SLC25A6: variants seen among roughly 807,000 people sequenced by gnomAD.
SLC25A6 encodes the protein solute carrier family 25 member 6.
SLC25A6 carries 9 observed loss-of-function variants against 25.7 expected under a neutral mutation model. The ratio of observed to expected loss-of-function variants is 0.35; its 90% CI spans 0.21 to 0.61. SLC25A6 has a LOEUF of 0.61. SLC25A6 is among the 20% of genes least tolerant of loss of function. SLC25A6 has a pLI of 0.76. For missense variants in SLC25A6, 404 were observed against 440.5 expected, an observed-to-expected ratio of 0.92 and a Z score of 0.74; for synonymous variants, 223 against 197.0, an observed-to-expected ratio of 1.13 and a Z score of -1.11.
intron 1 of SLC25A6, among the ~76,000 whole-genome samples, chrX:1,391,063 C>T (rs1284541071): frequency 6.6e-6 from 1 of 152,192 alleles, no homozygotes; most frequent in Non-Finnish European, 1.5e-5. Flanking sequence ...CCAGGCTGGT[C>T]TCAAACTCCT....
chrX:1,391,937 C>T lies in SLC25A6; in HGVS notation c.73G>A (p.Ala25Thr), dbSNP rs747538945. The T allele has an allele frequency of 6.8e-6, 11 of 1,609,482 alleles. No homozygotes were observed. In the South Asian group the frequency reaches 7.7e-5, roughly 11 times the overall value. ...TTGACCCGCTCGATCGGAGCCACGG[C>T]CGTCTTGGAGATGGCGGCGGCGATG... ...GGIAAAISKTAVAPIERVKLL... is the reference protein window; with the variant it reads ...GGIAAAISKTTVAPIERVKLL... Residue 25 changes from alanine to threonine, a missense_variant, in exon 1 of 4, where the codon GCC (alanine) becomes ACC (threonine). By Grantham distance (58) the Ala-to-Thr change is moderately conservative. Transcript: ENST00000381401.
chrX:1,387,408 C>T lies in SLC25A6; in HGVS notation c.610G>A (p.Asp204Asn), dbSNP rs377055579. ...VYDTAKGMLP[D>N]PKNTHIVVSW... is the part of the protein sequence containing the mutation. ...ACCACGATGTGCGTGTTCTTGGGGT[C>T]GGGGAGCATGCCTGCGCGGGAACGG... The change falls in exon 3 of 4, where the codon GAC (aspartate) becomes AAC (asparagine). Residue 204 changes from aspartate (D) to asparagine (N), a missense_variant. Transcript: ENST00000381401. The T allele has an allele frequency of 5.6e-5, 91 of 1,612,702 alleles. No homozygotes were observed. The highest frequency in any genetic ancestry group is 9.3e-5 in the African/African-American group (7 of 74,918).
intron 1 of SLC25A6, among the ~76,000 whole-genome samples, chrX:1,390,946 G>A (rs1435649390): frequency 4.0e-5 from 6 of 149,866 alleles, no homozygotes; most frequent in African/African-American, 1.5e-4. Flanking sequence ...AATTTTCTTA[G>A]AGATGGGGTC....
chrX:1,391,994 T>A lies in SLC25A6; in HGVS notation c.16A>T (p.Ile6Phe). The A allele has an allele frequency of 6.2e-7, 1 of 1,608,226 alleles. No individual in the cohort carries two copies. The highest frequency in any genetic ancestry group is 2.2e-5 in the East Asian group (1 of 44,766). MTEQA[I>F]SFAKDFLAGG... ...GCCAAGAAGTCTTTGGCGAAGGAGA[T>A]GGCCTGTTCCGTCATGGTGGCAGGG... Residue 6 changes from isoleucine to phenylalanine, a missense_variant, in exon 1 of 4, where the codon ATC becomes TTC. Ile to Phe is a conservative substitution (Grantham distance 21). Transcript: ENST00000381401.
At chrX:1,387,218 C>A (rs1282155377) in intron 3 of SLC25A6, 61 bp downstream of exon 3, 1 of 1,592,302 alleles carries the variant, frequency 6.3e-7, no homozygotes, top group Non-Finnish European at 8.6e-7. Context: ...CTCCCACGGG[C>A]CTAGGGCAAG....
intron 1 of SLC25A6, among the ~76,000 whole-genome samples, chrX:1,391,679 C>T (rs1282601866): frequency 3.3e-5 from 5 of 152,264 alleles, no homozygotes; most frequent in Non-Finnish European, 5.9e-5. Flanking sequence ...CCGCATTTCC[C>T]CCCGCCCGCC....
At chrX:1,390,828 G>C (rs1266614322) in intron 1 of SLC25A6, among the ~76,000 whole-genome samples, 3 of 151,128 alleles carry the variant, frequency 2.0e-5, no homozygotes, top group Admixed American at 2.0e-4. Context: ...CTTTTTCTTA[G>C]AGACGGGGTC....
chrX:1,389,116 AGAG>A, intron 2 of SLC25A6, 122 bp downstream of exon 2: 1 of 1,039,216 alleles, frequency 9.6e-7, no homozygotes. Flanking sequence ...CAAGTCCAGG[AGAG>A]AGGCCGCAGG....
Position 1,386,693 on chromosome X carries a change from GC to G in SLC25A6, c.805del (p.Ala269ProfsTer29), listed in dbSNP as rs1416205077. The G allele has an allele frequency of 3.7e-6, 6 of 1,612,770 alleles. No homozygotes were observed. The highest frequency in any genetic ancestry group is 5.1e-6 in the Non-Finnish European group (6 of 1,179,318). On this transcript the variant is annotated frameshift_variant, in exon 4 of 4. Coordinates refer to ENST00000381401, the MANE Select transcript of SLC25A6 (RefSeq NM_001636.4). LOFTEE classifies it high-confidence loss of function. ...GTTGGACCACGCACCCTTGAAGAAG[GC>G]CTTGCCCCCCTCATCTCTGAAGATC... Reference protein sequence around the residue: ...RKIFRDEGGKAFFKGAWSNVL... With the variant: ...RKIFRDEGGKXFFKGAWSNVL...
intron 2 of SLC25A6, among the ~76,000 whole-genome samples, chrX:1,388,351 G>A (rs113070225): frequency 9.3e-4 from 141 of 151,152 alleles, no homozygotes; most frequent in African/African-American, 3.3e-3. Context: ...CTCATCAGAA[G>A]AGGACACGAG....
chrX:1,391,363 C>G (rs1858616298), intron 1 of SLC25A6, among the ~76,000 whole-genome samples: 1 of 152,188 alleles, frequency 6.6e-6, no homozygotes, highest in African/African-American at 2.4e-5. Context: ...TTCTATAAGC[C>G]TCTCCCAAAA....
At position 1,389,719 on chromosome X, in the gene SLC25A6, G is replaced by A. The variant is rs376344386; in HGVS notation, c.120C>T (p.His40=). 35 of 1,611,994 alleles carry A rather than the reference G, an allele frequency of 2.2e-5. No individual in the cohort carries two copies. The highest frequency in any genetic ancestry group is 4.0e-5 in the African/African-American group (3 of 74,822). ...ERVKLLLQVQ[H]ASKQIAADKQ... ...TGTCGGCGGCGATCTGCTTGCTGGCGTGCTGGACCTGGGGGACGCAGAGGG... is the reference window on the plus strand; with the variant it reads ...TGTCGGCGGCGATCTGCTTGCTGGCATGCTGGACCTGGGGGACGCAGAGGG... Residue 40 remains histidine, a synonymous_variant, in exon 2 of 4, where the codon CAC becomes CAT. Transcript: ENST00000381401.
chrX:1,390,287 C>T (rs141265388), intron 1 of SLC25A6: 10 of 158,574 alleles, frequency 6.3e-5, no homozygotes, highest in East Asian at 1.9e-4. Context: ...TGGGACATCC[C>T]GCCCTGCTAA....
At chrX:1,387,652 C>T (rs1343690424) in intron 2 of SLC25A6, among the ~76,000 whole-genome samples, 3 of 152,338 alleles carry the variant, frequency 2.0e-5, no homozygotes, top group Admixed American at 6.5e-5. Context: ...GCAAGACAGT[C>T]CCAGAGGCCG....
Position 1,389,350 on chromosome X carries a change from C to T in SLC25A6, c.489G>A (p.Lys163=). ...CCCGGATGCCGTCGGACTTGGTGAT[C>T]TTCACCAGGCAGTCTCCCAGGCCTC... ...EFRGLGDCLV[K]ITKSDGIRGL... The change falls in exon 2 of 4, where the codon AAG becomes AAA. Residue 163 remains lysine (K), a synonymous_variant. Transcript: ENST00000381401. 6.2e-7 allele frequency: 1 copy of T among 1,613,832 alleles called. No individual in the cohort carries two copies. The highest frequency in any genetic ancestry group is 8.5e-7 in the Non-Finnish European group (1 of 1,179,864).
intron 2 of SLC25A6, 102 bp from the exon 3 acceptor site, chrX:1,387,521 G>A (rs17848749): frequency 1.3e-6 from 2 of 1,505,444 alleles, no homozygotes; most frequent in African/African-American, 1.4e-5. Flanking sequence ...GTGGTGCCGA[G>A]CTCTTCCGAG....
At chrX:1,391,140 A>C (rs866824428) in intron 1 of SLC25A6, among the ~76,000 whole-genome samples, 1 of 151,430 alleles carries the variant, frequency 6.6e-6, no homozygotes, top group Non-Finnish European at 1.5e-5. Flanking sequence ...AGTTAAAATA[A>C]TTTTTTTTGA....
At position 1,388,591 on chromosome X, in the gene SLC25A6, G is replaced by GGACACA. The variant is rs775379952; in HGVS notation, c.598+644_598+649dup. The stretch of plus-strand genomic sequence containing the variant: ...TAAGACATCTCATAACAAGAGATGA[G>GGACACA]GACACAGACACACACACAGGAAAAA... On this transcript the variant is annotated intron_variant, in intron 2 of 3. Coordinates refer to ENST00000381401, the MANE Select transcript of SLC25A6 (RefSeq NM_001636.4). 3.0e-3 allele frequency among the ~76,000 whole-genome samples: 451 copies of GGACACA among 148,542 alleles called. 1 individual carries two copies. The highest frequency in any genetic ancestry group is 0.01 in the African/African-American group (419 of 40,004).
chrX:1,387,266 C>T lies in SLC25A6; in HGVS notation c.739+13G>A, dbSNP rs758284911. 1.2e-5 allele frequency: 20 copies of T among 1,605,488 alleles called. No homozygotes were observed. In the Admixed American group the frequency reaches 1.5e-4, roughly 12 times the overall value. ...CCTTCCCGGCAGCAAGGGTCCCCCGCCCCCCCGAGTACCTCCTTTGCGCCC... is the reference window on the plus strand; with the variant it reads ...CCTTCCCGGCAGCAAGGGTCCCCCGTCCCCCCGAGTACCTCCTTTGCGCCC... On this transcript the variant is annotated intron_variant, in intron 3 of 3. Transcript: ENST00000381401.
Sources: allele counts gnomAD v4.1 joint callset (sites outside exome capture counted in the v4.1 genomes callset), GRCh38; gene constraint gnomAD v4.1.1; transcripts MANE v1.5; gene names NCBI Gene and HGNC (gene_info 2026-07-23, HGNC 2026-07-21).